Variants in DTD1 observed in about 807,000 individuals in gnomAD.
DTD1 encodes the protein D-aminoacyl-tRNA deacylase 1.
In DTD1, 13 loss-of-function variants were observed where a neutral mutation model predicts 25.6. The observed-to-expected ratio is 0.51, with a 90% CI of 0.33 to 0.81. DTD1 has a LOEUF of 0.81. Ranked by LOEUF, DTD1 falls within the 30% of genes least tolerant of loss-of-function variation. DTD1 has a pLI of 0.02. For synonymous variants in DTD1, 110 were observed against 103.6 expected (o/e 1.06, Z -0.37); for missense variants, 193 against 266.4 (o/e 0.72, Z 1.92).
At chr20:18,728,074 G>A (rs1011433902) in intron 4 of DTD1, among the ~76,000 whole-genome samples, 1 of 152,160 alleles carries the variant, frequency 6.6e-6, no homozygotes, top group Admixed American at 6.5e-5. Context: ...GGAGGGGCAT[G>A]GGTAGGACCC....
At chr20:18,656,873 T>G (rs2060893466) in intron 4 of DTD1, among the ~76,000 whole-genome samples, 1 of 123,342 alleles carries the variant, frequency 8.1e-6, no homozygotes. Flanking sequence ...TAAATTTTAA[T>G]GGCAATATTC....
At chr20:18,612,326 G>T (rs370491596) in intron 3 of DTD1, among the ~76,000 whole-genome samples, 5 of 152,210 alleles carry the variant, frequency 3.3e-5, no homozygotes, top group African/African-American at 9.6e-5. Context: ...GAGCCACCGC[G>T]CCTGGCCCAC....
chr20:18,648,962 C>T (rs1172755264), intron 4 of DTD1, among the ~76,000 whole-genome samples: 1 of 123,482 alleles, frequency 8.1e-6, no homozygotes, highest in African/African-American at 3.1e-5. Flanking sequence ...CGCCACTGCA[C>T]TCCAGCCTGG....
intron 4 of DTD1, among the ~76,000 whole-genome samples, chr20:18,702,550 C>T (rs1020596323): frequency 2.0e-5 from 3 of 152,058 alleles, no homozygotes; most frequent in African/African-American, 7.2e-5. Context: ...TACTGCAGAT[C>T]AGATTTAACT....
intron 5 of DTD1, among the ~76,000 whole-genome samples, chr20:18,751,075 G>A (rs906515470): frequency 1.3e-5 from 2 of 151,922 alleles, no homozygotes; most frequent in Admixed American, 6.6e-5. Context: ...GTGTGTGTGT[G>A]TGTGTGTGTG....
At chr20:18,700,856 A>G (rs917934514) in intron 4 of DTD1, among the ~76,000 whole-genome samples, 3 of 152,212 alleles carry the variant, frequency 2.0e-5, no homozygotes, top group Admixed American at 2.0e-4. Flanking sequence ...GGCTTTTCAC[A>G]GGACAGGGTT....
chr20:18,589,756 A>C (rs911048508), intron 1 of DTD1, among the ~76,000 whole-genome samples: 4 of 152,176 alleles, frequency 2.6e-5, no homozygotes, highest in African/African-American at 9.7e-5. Flanking sequence ...GAATATTGAA[A>C]ATGTGTATTC....
intron 4 of DTD1, among the ~76,000 whole-genome samples, chr20:18,676,480 A>G (rs1386695198): frequency 1.3e-5 from 2 of 152,192 alleles, no homozygotes. Context: ...TTGAATTGCA[A>G]CTGCCAGGCA....
chr20:18,726,134 T>A (rs994636689), intron 4 of DTD1, among the ~76,000 whole-genome samples: 1 of 152,222 alleles, frequency 6.6e-6, no homozygotes, highest in Non-Finnish European at 1.5e-5. Flanking sequence ...GGGATGTGTC[T>A]GAATTTACAG....
intron 4 of DTD1, among the ~76,000 whole-genome samples, chr20:18,730,358 C>T (rs1030757988): frequency 1.3e-5 from 2 of 152,188 alleles, no homozygotes; most frequent in African/African-American, 4.8e-5. Flanking sequence ...CAAGCATATA[C>T]TTAGTGCTTT....
At chr20:18,647,750 G>T (rs1370543361) in intron 4 of DTD1, among the ~76,000 whole-genome samples, 1 of 152,200 alleles carries the variant, frequency 6.6e-6, no homozygotes, top group Non-Finnish European at 1.5e-5. Flanking sequence ...AGCCACTGAG[G>T]AGGGATTTGC....
At chr20:18,753,604 T>C (rs2061328708) in intron 5 of DTD1, among the ~76,000 whole-genome samples, 1 of 2,812 alleles carries the variant, frequency 3.6e-4, no homozygotes, top group Non-Finnish European at 1.8e-3. Context: ...CGAAACTCTG[T>C]CTCAAAAAAA....
intron 4 of DTD1, among the ~76,000 whole-genome samples, chr20:18,709,538 G>A (rs1176934463): frequency 6.6e-6 from 1 of 152,150 alleles, no homozygotes; most frequent in Non-Finnish European, 1.5e-5. Flanking sequence ...GGCAAGTTCT[G>A]TCCACAGGTC....
rs182976265 is a variant in DTD1, at chr20:18,726,439, G to C, written c.478-17661G>C. Among the ~76,000 whole-genome samples, 475 of 149,906 alleles carry C rather than the reference G, an allele frequency of 3.2e-3. 1 individual carries two copies. The highest frequency in any genetic ancestry group is 4.5e-3 in the Non-Finnish European group (299 of 66,332). On this transcript the variant is annotated intron_variant, in intron 4 of 5. Coordinates refer to ENST00000377452, the MANE Select transcript of DTD1 (RefSeq NM_080820.6). ...TCTAACACAAATTCAGCAAAGATGA[G>C]GGGGGTGTTTTTGTCAATCAAGGGT...
chr20:18,677,619 T>A (rs1005738905), intron 4 of DTD1, among the ~76,000 whole-genome samples: 2 of 152,218 alleles, frequency 1.3e-5, no homozygotes, highest in Non-Finnish European at 2.9e-5. Context: ...TTAATGCAGA[T>A]GTTTACTTTC....
chr20:18,626,516 T>A (rs1394044276), intron 3 of DTD1, among the ~76,000 whole-genome samples: 1 of 152,222 alleles, frequency 6.6e-6, no homozygotes, highest in Non-Finnish European at 1.5e-5. Context: ...GGACTTAATA[T>A]TTAAGAACAA....
At position 18,593,816 on chromosome 20, in the gene DTD1, A is replaced by G. The variant is rs2122241125; in HGVS notation, c.129A>G (p.Glu43=). ...TGGAGGATACGCAGAAGGAACTGGAACACATGTAAGATGCATTTCTGTCAT... is the reference window on the plus strand; with the variant it reads ...TGGAGGATACGCAGAAGGAACTGGAGCACATGTAAGATGCATTTCTGTCAT... ...ISLEDTQKEL[E]HMVRKILNLR... is the part of the protein sequence containing the mutation. Residue 43 remains glutamate, a synonymous_variant, in exon 2 of 6, where the codon GAA becomes GAG. Transcript: ENST00000377452. The G allele has an allele frequency of 6.2e-7, 1 of 1,613,448 alleles. No individual in the cohort carries two copies. Among genetic ancestry groups the G allele is most frequent in the Admixed American group, 1.7e-5 (1 of 59,944 alleles).
At chr20:18,676,601 C>T (rs2060975933) in intron 4 of DTD1, among the ~76,000 whole-genome samples, 1 of 152,138 alleles carries the variant, frequency 6.6e-6, no homozygotes, top group African/African-American at 2.4e-5. Context: ...CTTCATTTGT[C>T]TCTACCCACC....
intron 4 of DTD1, among the ~76,000 whole-genome samples, chr20:18,635,832 A>G (rs1985127581): frequency 6.6e-6 from 1 of 152,208 alleles, no homozygotes; most frequent in Admixed American, 6.5e-5. Context: ...GAATTGATTA[A>G]TCAATTGACT....
Sources: allele counts gnomAD v4.1 joint callset (sites outside exome capture counted in the v4.1 genomes callset), GRCh38; gene constraint gnomAD v4.1.1; transcripts MANE v1.5; gene names NCBI Gene and HGNC (gene_info 2026-07-23, HGNC 2026-07-21).